The following PTPN2 variants were observed in gnomAD, a reference collection of about 807,000 sequenced individuals.
PTPN2 encodes tyrosine-protein phosphatase non-receptor type 2.
In PTPN2, 19 loss-of-function variants were observed where a neutral mutation model predicts 57.3. The observed-to-expected ratio is 0.33, with a 90% CI of 0.23 to 0.49. PTPN2 has a LOEUF of 0.49. PTPN2 is among the 20% of genes least tolerant of loss of function. The pLI, the probability that PTPN2 is intolerant of heterozygous loss-of-function variation, is 0.99. For missense variants in PTPN2, 358 were observed against 501.1 expected, an observed-to-expected ratio of 0.71 and a Z score of 2.73; for synonymous variants, 153 against 164.9, an observed-to-expected ratio of 0.93 and a Z score of 0.55.
chr18:12,883,951 A>C (rs1598912929), intron 1 of PTPN2, 122 bp downstream of exon 1: 1 of 757,384 alleles, frequency 1.3e-6, no homozygotes, highest in South Asian at 2.1e-5. Context: ...CCGCGCCGCC[A>C]CTTCCGCCCC....
chr18:12,830,911 A>G (rs2042644964), intron 4 of PTPN2, 32 bp downstream of exon 4: 1 of 1,463,978 alleles, frequency 6.8e-7, no homozygotes, highest in Non-Finnish European at 9.6e-7. Context: ...CACATACAGT[A>G]TACTAAGTTG....
At chr18:12,823,271 T>C (rs1176395648) in intron 5 of PTPN2, among the ~76,000 whole-genome samples, 2 of 152,054 alleles carry the variant, frequency 1.3e-5, no homozygotes, top group African/African-American at 4.8e-5. Flanking sequence ...TAAAACAGAG[T>C]GGCTGGCCAA....
At chr18:12,870,618 C>T (rs1300850411) in intron 1 of PTPN2, among the ~76,000 whole-genome samples, 10 of 145,296 alleles carry the variant, frequency 6.9e-5, no homozygotes, top group African/African-American at 2.6e-4. Flanking sequence ...ACACCATTCT[C>T]CTGCCTCAGC....
intron 2 of PTPN2, among the ~76,000 whole-genome samples, chr18:12,839,858 CCT>C (rs2145409704): frequency 6.6e-6 from 1 of 152,210 alleles, no homozygotes; most frequent in South Asian, 2.1e-4. Flanking sequence ...AACAGCTCCA[CCT>C]CTCAAGAAAT....
chr18:12,809,492 A>G (rs926718513), intron 7 of PTPN2, among the ~76,000 whole-genome samples: 1 of 152,226 alleles, frequency 6.6e-6, no homozygotes, highest in Admixed American at 6.5e-5. Flanking sequence ...CCATCTATGT[A>G]TCTGCCAGTG....
At chr18:12,846,061 A>G (rs145113963) in intron 2 of PTPN2, among the ~76,000 whole-genome samples, 49 of 152,316 alleles carry the variant, frequency 3.2e-4, no homozygotes, top group Non-Finnish European at 5.0e-4. Context: ...GAGTTGTCAG[A>G]TATCTATTTC....
chr18:12,819,193 A>C (rs1277350299), intron 5 of PTPN2: 4 of 1,188,676 alleles, frequency 3.4e-6, no homozygotes, highest in African/African-American at 1.6e-5. Flanking sequence ...CAGTGAAATA[A>C]ATTTTCTAAA....
chr18:12,798,952 T>C (rs1300288193), intron 8 of PTPN2, among the ~76,000 whole-genome samples: 1 of 152,230 alleles, frequency 6.6e-6, no homozygotes, highest in Non-Finnish European at 1.5e-5. Flanking sequence ...GATATGCTGA[T>C]AATTTCTATT....
chr18:12,855,409 G>C (rs772360395), intron 2 of PTPN2, among the ~76,000 whole-genome samples: 6 of 152,114 alleles, frequency 3.9e-5, no homozygotes, highest in Non-Finnish European at 8.8e-5. Context: ...ATGAAGAGCA[G>C]GGCCCATGAG....
intron 4 of PTPN2, among the ~76,000 whole-genome samples, chr18:12,826,778 A>T (rs1402472729): frequency 1.3e-5 from 2 of 152,038 alleles, no homozygotes; most frequent in African/African-American, 4.8e-5. Context: ...CATGTTGGCC[A>T]GGCTGGTCTT....
Position 12,870,331 on chromosome 18 carries a change from GTA to G in PTPN2, c.70-11079_70-11078del, listed in dbSNP as rs1177621527. On this transcript the variant is annotated intron_variant, in intron 1 of 8. Coordinates refer to ENST00000309660, the MANE Select transcript of PTPN2 (RefSeq NM_002828.4). ...TATACATATATATGTGTATATATAT[GTA>G]TATATATACATATATATGTGTATAT... is the stretch of plus-strand genomic sequence containing the variant. Among the ~76,000 whole-genome samples the G allele has an allele frequency of 1.2e-3, 71 of 60,974 alleles. 4 individuals are homozygous for G. The highest frequency in any genetic ancestry group is 4.1e-3 in the Admixed American group (24 of 5,860). The allele number at this position is 60,974 out of a possible 152,430, so 40.0% of individuals were successfully genotyped here.
intron 4 of PTPN2, 120 bp downstream of exon 4, chr18:12,830,823 G>C (rs898023641): frequency 3.1e-6 from 2 of 648,098 alleles, no homozygotes; most frequent in Non-Finnish European, 5.3e-6. Context: ...CACTTTGACC[G>C]CTAGCCTTTA....
intron 7 of PTPN2, among the ~76,000 whole-genome samples, chr18:12,813,485 G>C (rs979544330): frequency 1.3e-5 from 2 of 152,138 alleles, no homozygotes; most frequent in Non-Finnish European, 2.9e-5. Context: ...CCAATGGTCC[G>C]ATCTAATTTA....
intron 7 of PTPN2, among the ~76,000 whole-genome samples, chr18:12,802,756 G>T (rs1047959651): frequency 2.6e-5 from 4 of 152,134 alleles, no homozygotes. Flanking sequence ...ACAACTACTA[G>T]CAAAGCTATC....
intron 1 of PTPN2, among the ~76,000 whole-genome samples, chr18:12,876,734 A>G (rs2044503805): frequency 6.6e-6 from 1 of 152,208 alleles, no homozygotes. Flanking sequence ...CTACAGAATC[A>G]CCTAGAAACG....
chr18:12,883,938 GGACCGCGCC>G, intron 1 of PTPN2, 126 bp downstream of exon 1: 1 of 668,718 alleles, frequency 1.5e-6, no homozygotes, highest in South Asian at 2.0e-5. Flanking sequence ...CCCCTGACGC[GGACCGCGCC>G]GCCACTTCCG....
intron 3 of PTPN2, among the ~76,000 whole-genome samples, chr18:12,835,249 A>G (rs1241188011): frequency 6.6e-6 from 1 of 152,186 alleles, no homozygotes; most frequent in East Asian, 1.9e-4. Context: ...ATGGAAAATT[A>G]AAGTCTCTAT....
At chr18:12,850,382 G>C (rs1441059678) in intron 2 of PTPN2, among the ~76,000 whole-genome samples, 2 of 152,010 alleles carry the variant, frequency 1.3e-5, no homozygotes, top group African/African-American at 2.4e-5. Context: ...CCAGCTACTC[G>C]AGGGGCTGAG....
At chr18:12,852,974 T>G (rs2043448774) in intron 2 of PTPN2, among the ~76,000 whole-genome samples, 1 of 152,236 alleles carries the variant, frequency 6.6e-6, no homozygotes, top group African/African-American at 2.4e-5. Flanking sequence ...CAGAGCCTCT[T>G]CTCAGCTCCA....
Sources: gnomAD v4.1 joint callset for allele counts (sites outside exome capture counted in the v4.1 genomes callset) on GRCh38, gnomAD v4.1.1 for gene constraint, MANE v1.5 for transcripts, NCBI Gene and HGNC (gene_info 2026-07-23, HGNC 2026-07-21) for gene names.